Variants in COL6A3 observed in about 807,000 individuals in gnomAD.
COL6A3 encodes the protein collagen alpha-3(VI) chain.
Under a neutral mutation model 274.1 loss-of-function variants are expected in COL6A3, and 137 were observed. The ratio of observed to expected loss-of-function variants is 0.50; its 90% CI spans 0.44 to 0.58. COL6A3 has a LOEUF of 0.58. Among genes scored for constraint, COL6A3 ranks in the 20% least tolerant of loss-of-function variants. The probability of loss-of-function intolerance (pLI) is 0.00; values close to 1 mark genes in which losing one functional copy is unlikely to be tolerated. For synonymous variants in COL6A3, 1,650 were observed against 1,650.6 expected, an observed-to-expected ratio of 1.00 and a Z score of 0.01; for missense variants, 3,950 against 4,124.9, an observed-to-expected ratio of 0.96 and a Z score of 1.16.
At chr2:237,328,387 T>C (rs1031059181) in intron 42 of COL6A3, 1 of 152,166 alleles carries the variant, frequency 6.6e-6, no homozygotes, top group Non-Finnish European at 1.5e-5. Context: ...TCAAAAACAC[T>C]GGGGCGCAAG....
rs368161217 is a variant in COL6A3, at chr2:237,379,065, C to T, written c.2068G>A (p.Glu690Lys). ...GTCTGGTATGTGTTTAAAGAGAACT[C>T]CGTTACAGGAGTGTCACTAAATTGC... is the stretch of plus-strand genomic sequence containing the variant. ...LVQFSDTPVTEFSLNTYQTKS... is the reference protein window; with the variant it reads ...LVQFSDTPVTKFSLNTYQTKS... The change falls in exon 6 of 44, where the codon GAG (glutamate) becomes AAG (lysine). Residue 690 changes from glutamate (E) to lysine (K), a missense_variant. Physicochemically the swap from Glu to Lys is moderately conservative, Grantham distance 56 (BLOSUM62 1). This residue lies in a region of COL6A3 where 1,934 missense variants were observed against 1,984.3 expected (regional missense o/e 0.97). Transcript: ENST00000295550. 9.3e-5 allele frequency: 150 copies of T among 1,614,104 alleles called. No individual in the cohort carries two copies. Among genetic ancestry groups the T allele is most frequent in the Non-Finnish European group, 1.2e-4 (147 of 1,180,038 alleles).
chr2:237,345,143 A>C (rs775407471), intron 33 of COL6A3, 38 bp downstream of exon 33: 31 of 1,614,072 alleles, frequency 1.9e-5, no homozygotes, highest in Non-Finnish European at 2.6e-5. Context: ...TCAAAGGCTC[A>C]TGAGGTTAAT....
chr2:237,374,723 G>C lies in COL6A3; in HGVS notation c.3368C>G (p.Ser1123Cys). ...EFVLRNILVS[S>C]AGSRITEGVP... ...ACCTTCTGTTATCCTGCTTCCCGCA[G>C]AGCTGACCAGGATGTTCCTCAGGAC... Residue 1123 changes from serine (S) to cysteine (C), a missense_variant, in exon 8 of 44, where the codon TCT (serine) becomes TGT (cysteine). Ser to Cys is a moderately radical substitution (Grantham distance 112, BLOSUM62 -1). Around this residue, in one of 5 missense-constraint regions of COL6A3, gnomAD observed 1,934 missense variants for 1,984.3 expected, o/e 0.97. Transcript: ENST00000295550. The surrounding 1 kb of genome is among the most constrained non-coding windows in gnomAD (Gnocchi z 4.8). 6.2e-7 allele frequency: 1 copy of C among 1,613,386 alleles called. No homozygotes were observed. The highest frequency in any genetic ancestry group is 8.5e-7 in the Non-Finnish European group (1 of 1,179,468).
chr2:237,413,744 A>G lies in COL6A3; in HGVS notation c.-31+209T>C, dbSNP rs1251731180. 6.6e-6 allele frequency among the ~76,000 whole-genome samples: 1 copy of G among 152,242 alleles called. No individual in the cohort carries two copies. Among genetic ancestry groups the G allele is most frequent in the African/African-American group, 2.4e-5 (1 of 41,458 alleles). ...AAAGTGCTCACACTCTTAGGCAATC[A>G]TGACCTTAACCAATTTAAGGAAATC... On this transcript the variant is annotated intron_variant, in intron 1 of 43. Transcript: ENST00000295550. The surrounding 1 kb of genome is among the most constrained non-coding windows in gnomAD (Gnocchi z 4.0).
In COL6A3 at chr2:237,339,004, T is replaced by C. The variant is rs1443681498; in HGVS notation, c.8567+11A>G. 4.3e-6 allele frequency: 7 copies of C among 1,609,294 alleles called. No individual in the cohort carries two copies. Among genetic ancestry groups the C allele is most frequent in the Admixed American group, 1.7e-5 (1 of 59,996 alleles). ...GCTACAATTTTTAAGACAATAATTATAATCACTTACACTTGTTTGTGACCA... is the reference window on the plus strand; with the variant it reads ...GCTACAATTTTTAAGACAATAATTACAATCACTTACACTTGTTTGTGACCA... On this transcript the variant is annotated intron_variant, in intron 39 of 43. Coordinates refer to ENST00000295550, the MANE Select transcript of COL6A3 (RefSeq NM_004369.4).
At chr2:237,337,852 G>A (rs1281455914) in intron 39 of COL6A3, among the ~76,000 whole-genome samples, 1 of 151,458 alleles carries the variant, frequency 6.6e-6, no homozygotes, top group Non-Finnish European at 1.5e-5. Flanking sequence ...GCATCGGCAT[G>A]GGTGCCACAG....
intron 1 of COL6A3, among the ~76,000 whole-genome samples, chr2:237,397,054 G>GATAGATAT: frequency 6.8e-6 from 1 of 148,040 alleles, no homozygotes; most frequent in Non-Finnish European, 1.5e-5. Context: ...TAGATAGATA[G>GATAGATAT]ATAAAAATCT....
At chr2:237,375,419 C>T (rs75329941) in intron 7 of COL6A3, among the ~76,000 whole-genome samples, 1,852 of 152,340 alleles carry the variant, frequency 0.012, 64 homozygotes, top group Admixed American at 0.059. Context: ...CCCTTAGAAC[C>T]TGCAGAAAGA....
Position 237,366,927 on chromosome 2 carries a change from T to G in COL6A3, c.5260A>C (p.Lys1754Gln), listed in dbSNP as rs1193247195. The change falls in exon 11 of 44, where the codon AAG becomes CAG. Residue 1754 changes from lysine to glutamine, a missense_variant. By Grantham distance (53) the Lys-to-Gln change is moderately conservative. This residue lies in a region of COL6A3 where 632 missense variants were observed against 623.4 expected (regional missense o/e 1.01). Transcript: ENST00000295550. Reference sequence around the variant, plus strand: ...ACATCCTGTGCATCTTCCACCGACTTTCCTCCCGTGATCACAAAGGCAATC... The same window carrying G: ...ACATCCTGTGCATCTTCCACCGACTGTCCTCCCGTGATCACAAAGGCAATC... ...PQIAFVITGG[K>Q]SVEDAQDVSL... 5 of 1,614,048 alleles carry G rather than the reference T, an allele frequency of 3.1e-6. No homozygotes were observed. The highest frequency in any genetic ancestry group is 3.4e-6 in the Non-Finnish European group (4 of 1,180,024).
intron 24 of COL6A3, 92 bp from the exon 25 acceptor site, chr2:237,353,495 G>A: frequency 8.7e-6 from 10 of 1,151,214 alleles, no homozygotes; most frequent in Non-Finnish European, 1.3e-5. Flanking sequence ...CCAGGGACTT[G>A]GAAAGCAACC....
At chr2:237,392,967 C>G (rs1473993389) in intron 3 of COL6A3, among the ~76,000 whole-genome samples, 1 of 152,198 alleles carries the variant, frequency 6.6e-6, no homozygotes, top group Non-Finnish European at 1.5e-5. Context: ...AACTTGCACA[C>G]TCAGCTGTCT....
intron 1 of COL6A3, among the ~76,000 whole-genome samples, chr2:237,405,924 T>C (rs529386469): frequency 6.6e-6 from 1 of 152,120 alleles, no homozygotes; most frequent in African/African-American, 2.4e-5. Flanking sequence ...CTTGAGATCC[T>C]TGGGCTGGAA....
intron 17 of COL6A3, among the ~76,000 whole-genome samples, chr2:237,359,762 T>C (rs1323459326): frequency 6.6e-6 from 1 of 152,180 alleles, no homozygotes; most frequent in African/African-American, 2.4e-5. Context: ...CTCCACTCCC[T>C]TCCCTGACTG....
chr2:237,358,941 C>A, intron 20 of COL6A3, 94 bp downstream of exon 20: 3 of 1,413,090 alleles, frequency 2.1e-6, no homozygotes, highest in Non-Finnish European at 3.0e-6. Context: ...CTGGAGGAAG[C>A]GGGCTTGATG....
chr2:237,394,533 G>A, intron 3 of COL6A3, 54 bp downstream of exon 3: 1 of 1,611,856 alleles, frequency 6.2e-7, no homozygotes. Flanking sequence ...CAGTTGCCAA[G>A]CTCATCTCCC....
intron 38 of COL6A3, 48 bp from the exon 39 acceptor site, chr2:237,339,165 T>G (rs887531861): frequency 3.0e-6 from 4 of 1,331,728 alleles, no homozygotes; most frequent in Non-Finnish European, 4.3e-6. Flanking sequence ...GCTAATAACA[T>G]GAAAATTAAA....
rs777089204 is a variant in COL6A3, at chr2:237,334,930, C to T, written c.8966-41G>A. The T allele has an allele frequency of 8.7e-6, 14 of 1,611,712 alleles. No homozygotes were observed. The African/African-American group carries it at 1.5e-4, about 17-fold the overall frequency. The stretch of plus-strand genomic sequence containing the variant: ...GAGCGTGAAGATAAAAAATAAAATC[C>T]TCCATGACTGTAGTGCATGAGCGAG... On this transcript the variant is annotated intron_variant, in intron 40 of 43. Transcript: ENST00000295550.
intron 4 of COL6A3, among the ~76,000 whole-genome samples, chr2:237,382,290 T>C (rs1459168991): frequency 6.6e-6 from 1 of 151,768 alleles, no homozygotes; most frequent in East Asian, 1.9e-4. Flanking sequence ...GGATGAGGCA[T>C]GAGAATCACT....
chr2:237,334,691 T>C lies in COL6A3; in HGVS notation c.9164A>G (p.His3055Arg), dbSNP rs1402166922. The C allele has an allele frequency of 6.2e-7, 1 of 1,613,928 alleles. No individual in the cohort carries two copies. Among genetic ancestry groups the C allele is most frequent in the Admixed American group, 1.7e-5 (1 of 60,026 alleles). The change falls in exon 41 of 44, where the codon CAT becomes CGT. Residue 3055 changes from histidine to arginine, a missense_variant. Transcript: ENST00000295550. Reference protein sequence around the residue: ...IGGLLAGQTYHVAVVCYLRSQ... With the variant: ...IGGLLAGQTYRVAVVCYLRSQ... ...CCTCAGGTAGCAGACCACAGCCACA[T>C]GGTATGTCTGCCCAGCGAGCAGGCC...
Sources: gnomAD v4.1 joint callset for allele counts (sites outside exome capture counted in the v4.1 genomes callset) on GRCh38, gnomAD v4.1.1 for gene constraint, gnomAD v4.1.1 regional missense constraint, Gnocchi (gnomAD v3.1) non-coding constraint, MANE v1.5 for transcripts, NCBI Gene and HGNC (gene_info 2026-07-23, HGNC 2026-07-21) for gene names.